ERC2: variants seen among roughly 807,000 people sequenced by gnomAD.
The protein encoded by ERC2 is ERC protein 2.
ERC2 carries 42 observed loss-of-function variants against 114.8 expected under a neutral mutation model. The observed-to-expected ratio is 0.37, with a 90% CI of 0.29 to 0.47. The LOEUF (loss-of-function observed/expected upper bound fraction) is 0.47. Among genes scored for constraint, ERC2 ranks in the 20% least tolerant of loss-of-function variants. The probability of loss-of-function intolerance (pLI) is 0.99; values close to 1 mark genes in which losing one functional copy is unlikely to be tolerated. For missense variants in ERC2, 939 were observed against 1,150.7 expected (o/e 0.82, Z 2.66); for synonymous variants, 454 against 425.5 (o/e 1.07, Z -0.82).
chr3:55,620,678 G>A (rs2059290981), intron 17 of ERC2, among the ~76,000 whole-genome samples: 1 of 152,136 alleles, frequency 6.6e-6, no homozygotes, highest in Non-Finnish European at 1.5e-5. Flanking sequence ...AGGGAACTGG[G>A]TGGCTTTTAC....
intron 2 of ERC2, among the ~76,000 whole-genome samples, chr3:56,418,009 C>T (rs931584733): frequency 2.6e-5 from 4 of 151,910 alleles, no homozygotes; most frequent in African/African-American, 4.8e-5. Context: ...GGAAAGGGGC[C>T]GGGGCAGTGG....
chr3:56,275,338 G>C (rs1482290480), intron 3 of ERC2, among the ~76,000 whole-genome samples: 1 of 152,196 alleles, frequency 6.6e-6, no homozygotes, highest in African/African-American at 2.4e-5. Context: ...AAACAGCAGA[G>C]AGGGGAAGAA....
At chr3:55,522,957 G>A (rs375480463) in intron 17 of ERC2, among the ~76,000 whole-genome samples, 9 of 152,358 alleles carry the variant, frequency 5.9e-5, no homozygotes, top group African/African-American at 2.2e-4. Flanking sequence ...AGGAAAATGT[G>A]TTTTCATAAT....
intron 15 of ERC2, among the ~76,000 whole-genome samples, chr3:55,712,418 G>A (rs2063822736): frequency 6.6e-6 from 1 of 152,198 alleles, no homozygotes; most frequent in African/African-American, 2.4e-5. Flanking sequence ...ATGCTGGGAT[G>A]TGAACAGAGT....
chr3:56,052,583 C>G (rs1011894112), intron 7 of ERC2, among the ~76,000 whole-genome samples: 1 of 152,170 alleles, frequency 6.6e-6, no homozygotes, highest in Admixed American at 6.5e-5. Context: ...TATTTAAATT[C>G]TGTGTGTGTT....
intron 6 of ERC2, among the ~76,000 whole-genome samples, chr3:56,137,110 A>G (rs1328724203): frequency 6.6e-6 from 1 of 152,212 alleles, no homozygotes; most frequent in Admixed American, 6.5e-5. Flanking sequence ...GAGAAAGGAA[A>G]GAGGACAAGG....
intron 4 of ERC2, among the ~76,000 whole-genome samples, chr3:56,155,251 T>C (rs1315476952): frequency 6.6e-6 from 1 of 152,006 alleles, no homozygotes; most frequent in Non-Finnish European, 1.5e-5. Context: ...ACACAATGAT[T>C]GATTCAGGGG....
chr3:55,906,601 C>T (rs2064467172), intron 13 of ERC2, among the ~76,000 whole-genome samples: 1 of 152,126 alleles, frequency 6.6e-6, no homozygotes, highest in African/African-American at 2.4e-5. Context: ...TTTAACAACC[C>T]TTCTGATTGA....
chr3:55,826,025 G>A (rs908877387), intron 14 of ERC2, among the ~76,000 whole-genome samples: 1 of 150,794 alleles, frequency 6.6e-6, no homozygotes, highest in Non-Finnish European at 1.5e-5. Flanking sequence ...GAAGGAAGGA[G>A]GAAGAGAGGA....
At chr3:55,957,848 C>A (rs1458289125) in intron 12 of ERC2, among the ~76,000 whole-genome samples, 1 of 152,164 alleles carries the variant, frequency 6.6e-6, no homozygotes, top group Admixed American at 6.5e-5. Context: ...AGCTTGGAGA[C>A]ACCAGGTACC....
At chr3:56,236,452 G>C (rs1245050607) in intron 3 of ERC2, among the ~76,000 whole-genome samples, 3 of 152,166 alleles carry the variant, frequency 2.0e-5, no homozygotes, top group Admixed American at 1.3e-4. Context: ...TTCTTGAGTG[G>C]ATTTCACCAA....
At chr3:55,610,143 A>G (rs1433610016) in intron 17 of ERC2, among the ~76,000 whole-genome samples, 9 of 151,214 alleles carry the variant, frequency 6.0e-5, no homozygotes, top group African/African-American at 9.7e-5. Flanking sequence ...GGGCCAGACA[A>G]TTATTTGTCA....
chr3:56,327,052 AGC>A (rs2057394440), intron 2 of ERC2, among the ~76,000 whole-genome samples: 1 of 152,218 alleles, frequency 6.6e-6, no homozygotes, highest in African/African-American at 2.4e-5. Context: ...CTGCTGTCCC[AGC>A]TCCACCTGCT....
chr3:56,202,876 G>A (rs2048486077), intron 3 of ERC2, among the ~76,000 whole-genome samples: 2 of 152,174 alleles, frequency 1.3e-5, no homozygotes, highest in Non-Finnish European at 2.9e-5. Flanking sequence ...TAGATCTTAA[G>A]TGTTCTAACC....
At chr3:55,684,946 T>C (rs1322075669) in intron 16 of ERC2, among the ~76,000 whole-genome samples, 1 of 152,206 alleles carries the variant, frequency 6.6e-6, no homozygotes, top group East Asian at 1.9e-4. Context: ...TTTCTCATTA[T>C]TTGACTCCTT....
chr3:55,595,515 A>G (rs2058087415), intron 17 of ERC2, among the ~76,000 whole-genome samples: 1 of 152,218 alleles, frequency 6.6e-6, no homozygotes, highest in Admixed American at 6.5e-5. Flanking sequence ...CTTTGGCTGA[A>G]CAAAGACTTT....
At chr3:55,616,308 AG>A (rs137943976) in intron 17 of ERC2, among the ~76,000 whole-genome samples, 40,138 of 151,978 alleles carry the variant, frequency 0.26, 5,655 homozygotes, top group East Asian at 0.64. Flanking sequence ...TTAGGAAAGG[AG>A]TTCCATTGGC....
At chr3:55,815,768 G>C (rs922332865) in intron 14 of ERC2, among the ~76,000 whole-genome samples, 1 of 152,232 alleles carries the variant, frequency 6.6e-6, no homozygotes, top group Non-Finnish European at 1.5e-5. Flanking sequence ...CCCAGGATTT[G>C]ACTGTAAGAC....
At chr3:55,833,102 G>C (rs1026207869) in intron 14 of ERC2, among the ~76,000 whole-genome samples, 22 of 149,610 alleles carry the variant, frequency 1.5e-4, no homozygotes, top group African/African-American at 5.6e-4. Context: ...AGAAATATGG[G>C]ACTATGTGAA....
Sources: gnomAD v4.1 joint callset for allele counts (sites outside exome capture counted in the v4.1 genomes callset) on GRCh38, gnomAD v4.1.1 for gene constraint, MANE v1.5 for transcripts, NCBI Gene and HGNC (gene_info 2026-07-23, HGNC 2026-07-21) for gene names.